KCND2: variants seen among roughly 807,000 people sequenced by gnomAD.
KCND2 encodes the protein A-type voltage-gated potassium channel KCND2.
A neutral mutation model predicts 54.4 loss-of-function variants in KCND2; 16 were observed. That is an observed-to-expected ratio of 0.29 (90% CI 0.20 to 0.45). The LOEUF (loss-of-function observed/expected upper bound fraction) is 0.45, where lower values mean the gene tolerates loss of function less well. KCND2 is among the 20% of genes least tolerant of loss of function. KCND2 has a pLI of 1.00. For missense variants in KCND2, 486 were observed against 824.2 expected (o/e 0.59, Z 5.02); for synonymous variants, 317 against 310.7 (o/e 1.02, Z -0.21).
At chr7:120,643,843 G>A (rs1312293010) in intron 1 of KCND2, among the ~76,000 whole-genome samples, 3 of 150,908 alleles carry the variant, frequency 2.0e-5, no homozygotes, top group Non-Finnish European at 4.4e-5. Context: ...ATGTTTACAT[G>A]ACATATTCAT....
At chr7:120,342,563 T>C (rs969245637) in intron 1 of KCND2, among the ~76,000 whole-genome samples, 6 of 152,206 alleles carry the variant, frequency 3.9e-5, no homozygotes, top group African/African-American at 1.4e-4. Flanking sequence ...CTTTGTATTG[T>C]ATATTACAAC....
At chr7:120,418,378 G>T (rs545139115) in intron 1 of KCND2, among the ~76,000 whole-genome samples, 1 of 152,152 alleles carries the variant, frequency 6.6e-6, no homozygotes, top group Admixed American at 6.5e-5. Flanking sequence ...AACATAAGAA[G>T]AAATTATTTT....
intron 1 of KCND2, among the ~76,000 whole-genome samples, chr7:120,340,150 T>G (rs1563015033): frequency 1.3e-5 from 2 of 152,216 alleles, no homozygotes; most frequent in Non-Finnish European, 2.9e-5. Context: ...CTGTACCTAC[T>G]GGGTTCAAAA....
At chr7:120,479,861 G>A (rs925669684) in intron 1 of KCND2, among the ~76,000 whole-genome samples, 11 of 148,480 alleles carry the variant, frequency 7.4e-5, no homozygotes, top group East Asian at 3.9e-4. Flanking sequence ...CCCAGCTATC[G>A]GTGGCTGAAG....
In KCND2 at chr7:120,273,786, C is replaced by G. The variant is rs1799123353; in HGVS notation, c.-847C>G. ...CCAGGTATGTACCGCGGGAGCGGCG[C>G]GTTCTGCGCGGAAGCAGATGCTGCT... On this transcript the variant is annotated 5_prime_UTR_variant, in exon 1 of 6. Transcript: ENST00000331113. 6.5e-6 allele frequency: 1 copy of G among 152,888 alleles called. No individual in the cohort carries two copies. Among genetic ancestry groups the G allele is most frequent in the South Asian group, 2.1e-4 (1 of 4,832 alleles). The allele number at this position is 152,888 out of a possible 1,614,324, so 9.5% of individuals were successfully genotyped here. A position where few individuals can be genotyped will look rare whatever the true frequency, so the allele number is the denominator to read the frequency against.
chr7:120,310,622 TA>T (rs2116313223), intron 1 of KCND2, among the ~76,000 whole-genome samples: 1 of 152,270 alleles, frequency 6.6e-6, no homozygotes, highest in Admixed American at 6.5e-5. Flanking sequence ...ATGTGGATTA[TA>T]GAAAGCTATA....
intron 1 of KCND2, among the ~76,000 whole-genome samples, chr7:120,289,035 C>T (rs1434777699): frequency 3.1e-5 from 1 of 31,800 alleles, no homozygotes; most frequent in Non-Finnish European, 1.1e-4. Flanking sequence ...GGCAGAGACA[C>T]AAACACACAC....
intron 1 of KCND2, among the ~76,000 whole-genome samples, chr7:120,545,352 T>C (rs1417862302): frequency 6.6e-6 from 1 of 151,906 alleles, no homozygotes; most frequent in East Asian, 1.9e-4. Context: ...TAGAAAAGAT[T>C]GGAGAGCCTC....
chr7:120,653,292 C>T lies in KCND2; in HGVS notation c.1116-79611C>T, dbSNP rs755719162. Among the ~76,000 whole-genome samples the T allele has an allele frequency of 3.3e-5, 5 of 151,652 alleles. 1 individual carries two copies. Among genetic ancestry groups the T allele is most frequent in the African/African-American group, 7.3e-5 (3 of 41,244 alleles). On this transcript the variant is annotated intron_variant, in intron 1 of 5. Coordinates refer to ENST00000331113, the MANE Select transcript of KCND2 (RefSeq NM_012281.3). Reference sequence around the variant, plus strand: ...AACTTCTGAGCTCAAGTGATCCACCCTTCTCGGCCTCCCAAAGTGCTGGAA... The same window carrying T: ...AACTTCTGAGCTCAAGTGATCCACCTTTCTCGGCCTCCCAAAGTGCTGGAA...
intron 1 of KCND2, among the ~76,000 whole-genome samples, chr7:120,648,853 A>G (rs889629633): frequency 1.3e-5 from 2 of 150,098 alleles, no homozygotes; most frequent in Non-Finnish European, 3.0e-5. Flanking sequence ...TAACCTAACT[A>G]TGTCTCTTGG....
chr7:120,471,087 G>A (rs527776015), intron 1 of KCND2, among the ~76,000 whole-genome samples: 1 of 152,030 alleles, frequency 6.6e-6, no homozygotes, highest in Non-Finnish European at 1.5e-5. Context: ...AGGTTACTGG[G>A]CTGTCACCCC....
chr7:120,711,068 A>G (rs998367385), intron 1 of KCND2, among the ~76,000 whole-genome samples: 3 of 152,106 alleles, frequency 2.0e-5, no homozygotes, highest in Admixed American at 6.6e-5. Context: ...CTTAAATTAC[A>G]TTACAATTAG....
chr7:120,707,340 T>C (rs1792482205), intron 1 of KCND2, among the ~76,000 whole-genome samples: 1 of 152,110 alleles, frequency 6.6e-6, no homozygotes, highest in Non-Finnish European at 1.5e-5. Flanking sequence ...AGTGTCAGTC[T>C]GGAAAAATTC....
intron 1 of KCND2, among the ~76,000 whole-genome samples, chr7:120,355,485 G>A (rs1233962261): frequency 2.0e-5 from 3 of 151,996 alleles, no homozygotes; most frequent in Non-Finnish European, 2.9e-5. Context: ...AGGTGGGGGG[G>A]TGCAATGAGC....
chr7:120,308,208 G>A (rs1799677676), intron 1 of KCND2, among the ~76,000 whole-genome samples: 1 of 152,024 alleles, frequency 6.6e-6, no homozygotes, highest in Non-Finnish European at 1.5e-5. Flanking sequence ...TATCCATAGT[G>A]CAGCTTCAAA....
chr7:120,645,274 G>A (rs66922945), intron 1 of KCND2, among the ~76,000 whole-genome samples: 1 of 151,906 alleles, frequency 6.6e-6, no homozygotes, highest in Non-Finnish European at 1.5e-5. Context: ...GTGTCTTGTG[G>A]CATGTTAATA....
chr7:120,515,607 G>T lies in KCND2; in HGVS notation c.1116-217296G>T, dbSNP rs139219384. On this transcript the variant is annotated intron_variant, in intron 1 of 5. Coordinates refer to ENST00000331113, the MANE Select transcript of KCND2 (RefSeq NM_012281.3). ...CACCTTTGGAGGGATATGTTCCCCTGTTAATGCCTCAGGAACTCAGAGACT... is the reference window on the plus strand; with the variant it reads ...CACCTTTGGAGGGATATGTTCCCCTTTTAATGCCTCAGGAACTCAGAGACT... Among the ~76,000 whole-genome samples, 1,169 of 152,140 alleles carry T rather than the reference G, an allele frequency of 7.7e-3. 18 individuals carry two copies. The highest frequency in any genetic ancestry group is 0.027 in the African/African-American group (1,115 of 41,530).
At chr7:120,700,865 C>T (rs1792392266) in intron 1 of KCND2, among the ~76,000 whole-genome samples, 1 of 152,002 alleles carries the variant, frequency 6.6e-6, no homozygotes, top group African/African-American at 2.4e-5. Flanking sequence ...CTGTGTCAAG[C>T]TTAGTTTAGG....
intron 1 of KCND2, among the ~76,000 whole-genome samples, chr7:120,444,436 T>C (rs940522301): frequency 6.6e-6 from 1 of 152,170 alleles, no homozygotes; most frequent in Non-Finnish European, 1.5e-5. Context: ...TTTGTCTTTT[T>C]CTTTCCTCAT....
Sources: gnomAD v4.1 joint callset for allele counts (sites outside exome capture counted in the v4.1 genomes callset) on GRCh38, gnomAD v4.1.1 for gene constraint, MANE v1.5 for transcripts, NCBI Gene and HGNC (gene_info 2026-07-23, HGNC 2026-07-21) for gene names.